The following SLC1A2 variants were observed in gnomAD, a reference collection of about 807,000 sequenced individuals.
SLC1A2 encodes excitatory amino acid transporter 2.
A neutral mutation model predicts 48.8 loss-of-function variants in SLC1A2; 15 were observed. The observed-to-expected ratio is 0.31, with a 90% confidence interval of 0.21 to 0.47. SLC1A2 has a LOEUF of 0.47. SLC1A2 is among the 20% of genes least tolerant of loss of function. SLC1A2 has a pLI of 0.99. For missense variants in SLC1A2, 502 were observed against 730.5 expected, an observed-to-expected ratio of 0.69 and a Z score of 3.61; for synonymous variants, 279 against 272.6, an observed-to-expected ratio of 1.02 and a Z score of -0.23.
chr11:35,265,581 G>A lies in SLC1A2; in HGVS notation c.1599C>T (p.Asn533=), dbSNP rs185475037. The A allele has an allele frequency of 1.5e-5, 24 of 1,611,926 alleles. No homozygotes were observed. The highest frequency in any genetic ancestry group is 3.3e-4 in the Middle Eastern group (2 of 6,078). ...GTGCAGCATAGACACATTGATTAGA[G>A]TTGCTTTCCCTGTGGTTCTTCATGT... ...YDDMKNHRES[N]SNQCVYAAHN... Residue 533 remains asparagine, a synonymous_variant, in exon 10 of 11, where the codon AAC becomes AAT. Coordinates refer to ENST00000278379, the MANE Select transcript of SLC1A2 (RefSeq NM_004171.4).
At chr11:35,330,390 G>A (rs925882758) in intron 1 of SLC1A2, among the ~76,000 whole-genome samples, 2 of 152,198 alleles carry the variant, frequency 1.3e-5, no homozygotes, top group Non-Finnish European at 2.9e-5. Flanking sequence ...GAAGGGCATA[G>A]GTAATTTCAC....
At chr11:35,388,934 C>T (rs930997099) in intron 1 of SLC1A2, among the ~76,000 whole-genome samples, 12 of 151,992 alleles carry the variant, frequency 7.9e-5, no homozygotes, top group Non-Finnish European at 2.9e-5. Context: ...TAATAAACAC[C>T]GGGGACTCCA....
intron 2 of SLC1A2, 160 bp from the exon 3 acceptor site, chr11:35,315,335 T>G: frequency 7.4e-6 from 4 of 541,486 alleles, no homozygotes; most frequent in Non-Finnish European, 1.3e-5. Flanking sequence ...GAAGCTGATT[T>G]TGATGACTAG....
intron 9 of SLC1A2, among the ~76,000 whole-genome samples, chr11:35,273,262 G>T (rs1309765243): frequency 6.6e-6 from 1 of 152,182 alleles, no homozygotes; most frequent in Non-Finnish European, 1.5e-5. Flanking sequence ...GAGGAAGGCT[G>T]GCACAGCTCT....
chr11:35,395,670 TC>T (rs773102235), intron 1 of SLC1A2, among the ~76,000 whole-genome samples: 1 of 145,896 alleles, frequency 6.9e-6, no homozygotes, highest in East Asian at 2.0e-4. Context: ...CCTCCAAACT[TC>T]TTTTTTTTTT....
chr11:35,387,733 T>C (rs1348314055), intron 1 of SLC1A2, among the ~76,000 whole-genome samples: 6 of 152,138 alleles, frequency 3.9e-5, no homozygotes, highest in African/African-American at 1.4e-4. Context: ...CGGTAAGCCA[T>C]TAAGCATCAG....
At chr11:35,297,720 G>T (rs958538495) in intron 6 of SLC1A2, 2 of 152,110 alleles carry the variant, frequency 1.3e-5, no homozygotes, top group Admixed American at 6.5e-5. Flanking sequence ...GGGTTTTCAG[G>T]TTTCTTAAAG....
intron 3 of SLC1A2, among the ~76,000 whole-genome samples, chr11:35,314,725 A>T (rs1308914523): frequency 6.6e-6 from 1 of 151,628 alleles, no homozygotes; most frequent in East Asian, 1.9e-4. Context: ...AAAAAAAAAA[A>T]ATTTAAAACC....
intron 1 of SLC1A2, 150 bp from the exon 2 acceptor site, chr11:35,317,666 T>C: frequency 1.1e-6 from 1 of 903,710 alleles, no homozygotes; most frequent in Non-Finnish European, 1.7e-6. Context: ...GGGTCACCTA[T>C]AAGCAGGACA....
At chr11:35,402,684 A>AG (rs888724575) in intron 1 of SLC1A2, among the ~76,000 whole-genome samples, 14 of 152,352 alleles carry the variant, frequency 9.2e-5, no homozygotes, top group African/African-American at 3.4e-4. Flanking sequence ...CCTGAAGTGA[A>AG]GGCAACCTCA....
At chr11:35,389,723 G>GT (rs1034141024) in intron 1 of SLC1A2, among the ~76,000 whole-genome samples, 28 of 152,126 alleles carry the variant, frequency 1.8e-4, no homozygotes, top group African/African-American at 6.3e-4. Context: ...ACCCATCTCA[G>GT]CCTCCCAAAG....
intron 2 of SLC1A2, chr11:35,315,414 G>T: frequency 2.7e-6 from 1 of 371,240 alleles, no homozygotes; most frequent in Non-Finnish European, 5.1e-6. Flanking sequence ...GAGAACTCAA[G>T]GCTTTATGAA....
At chr11:35,298,627 T>C (rs1213777761) in intron 6 of SLC1A2, 1 of 152,200 alleles carries the variant, frequency 6.6e-6, no homozygotes, top group Non-Finnish European at 1.5e-5. Context: ...CTGTCAGAAA[T>C]CATTCTAAGG....
intron 9 of SLC1A2, among the ~76,000 whole-genome samples, chr11:35,275,251 CAT>C (rs1850404330): frequency 6.6e-6 from 1 of 152,234 alleles, no homozygotes; most frequent in Non-Finnish European, 1.5e-5. Flanking sequence ...CCAATTAGCA[CAT>C]GTGAGCCCAG....
At chr11:35,394,715 G>A (rs1355463319) in intron 1 of SLC1A2, among the ~76,000 whole-genome samples, 1 of 152,306 alleles carries the variant, frequency 6.6e-6, no homozygotes, top group East Asian at 1.9e-4. Flanking sequence ...GGAGTGGCCA[G>A]TGCCAAATGG....
At chr11:35,403,478 G>T (rs1361548504) in intron 1 of SLC1A2, among the ~76,000 whole-genome samples, 1 of 152,252 alleles carries the variant, frequency 6.6e-6, no homozygotes, top group Admixed American at 6.5e-5. Flanking sequence ...TTTCATGCAA[G>T]CCTGCACATG....
chr11:35,353,075 G>A (rs1194920660), intron 1 of SLC1A2, among the ~76,000 whole-genome samples: 1 of 151,804 alleles, frequency 6.6e-6, no homozygotes, highest in Non-Finnish European at 1.5e-5. Flanking sequence ...TTCTGAAATT[G>A]GGATGCATAT....
intron 1 of SLC1A2, among the ~76,000 whole-genome samples, chr11:35,392,665 C>T (rs1854819686): frequency 6.6e-6 from 1 of 152,178 alleles, no homozygotes; most frequent in Non-Finnish European, 1.5e-5. Flanking sequence ...CTCTTTTTCC[C>T]AATGGCAGTG....
chr11:35,294,723 A>G (rs930918141), intron 6 of SLC1A2, among the ~76,000 whole-genome samples: 1 of 152,140 alleles, frequency 6.6e-6, no homozygotes, highest in African/African-American at 2.4e-5. Context: ...GCTCTTTGCC[A>G]AAAAAAGACT....
Sources: gnomAD v4.1 joint callset for allele counts (sites outside exome capture counted in the v4.1 genomes callset) on GRCh38, gnomAD v4.1.1 for gene constraint, MANE v1.5 for transcripts, NCBI Gene and HGNC (gene_info 2026-07-23, HGNC 2026-07-21) for gene names.